The following GRHL3 variants were observed in gnomAD, a reference collection of about 807,000 sequenced individuals.
GRHL3 encodes the protein grainyhead like transcription factor 3, also known as grainyhead-like protein 3 homolog.
A neutral mutation model predicts 70.3 loss-of-function variants in GRHL3; 20 were observed. That is an observed-to-expected ratio of 0.28 (90% CI 0.20 to 0.41). The LOEUF is 0.41. Ranked by LOEUF, GRHL3 falls within the 10% of genes least tolerant of loss-of-function variation. GRHL3 has a pLI of 1.00. For missense variants in GRHL3, 637 were observed against 762.3 expected (o/e 0.84, Z 1.94); for synonymous variants, 299 against 299.9 (o/e 1.00, Z 0.03).
At position 24,346,628 on chromosome 1, in the gene GRHL3, C is replaced by T. The variant is rs760661018; in HGVS notation, c.1530C>T (p.Gly510=). 1.9e-5 allele frequency: 30 copies of T among 1,611,922 alleles called. No homozygotes were observed. Among genetic ancestry groups the T allele is most frequent in the African/African-American group, 1.3e-4 (10 of 74,894 alleles). ...EPLPSKQAKE[G]DLQRVLLYVR... is the part of the protein sequence containing the mutation. Reference sequence around the variant, plus strand: ...TGCCCTCCAAGCAGGCCAAGGAAGGCGACCTTCAGAGAGGTGACCTCCCGC... The same window carrying T: ...TGCCCTCCAAGCAGGCCAAGGAAGGTGACCTTCAGAGAGGTGACCTCCCGC... The change falls in exon 13 of 16, where the codon GGC becomes GGT. Residue 510 remains glycine, a synonymous_variant. Transcript: ENST00000361548.
In GRHL3 at chr1:24,326,155, G is replaced by C. The variant is rs146589286; in HGVS notation, c.18-5271G>C. On this transcript the variant is annotated intron_variant, in intron 1 of 15. Transcript: ENST00000361548. ...AAATGTGAGGGATTATCAAATCTTG[G>C]ATTTCCTCCTTAGTGGGCTGGCTTT... Among the ~76,000 whole-genome samples the C allele has an allele frequency of 5.9e-3, 902 of 152,306 alleles. 3 individuals carry two copies. Among genetic ancestry groups the C allele is most frequent in the Non-Finnish European group, 9.8e-3 (667 of 68,022 alleles).
chr1:24,336,428 A>G (rs1639813766), intron 3 of GRHL3, 54 bp from the exon 4 acceptor site: 1 of 1,238,340 alleles, frequency 8.1e-7, no homozygotes, highest in East Asian at 2.3e-5. Flanking sequence ...CTAGCCAAAG[A>G]CCCCCCTTTA....
intron 1 of GRHL3, among the ~76,000 whole-genome samples, 173 bp from the exon 2 acceptor site, chr1:24,331,253 G>C (rs1257674353): frequency 6.6e-6 from 1 of 152,198 alleles, no homozygotes; most frequent in Non-Finnish European, 1.5e-5. Context: ...AATCGATCCA[G>C]CTCCAGAGTT....
In GRHL3 at chr1:24,342,140, G is replaced by C; in HGVS notation, c.1073G>C (p.Ser358Thr). The C allele has an allele frequency of 6.2e-7, 1 of 1,605,148 alleles. No individual in the cohort carries two copies. The highest frequency in any genetic ancestry group is 8.5e-7 in the Non-Finnish European group (1 of 1,175,312). ...GTGTTCATCGGCGTAAACTGTCTGAGCACAGACTTTTCCTCACAAAAGGGG... is the reference window on the plus strand; with the variant it reads ...GTGTTCATCGGCGTAAACTGTCTGACCACAGACTTTTCCTCACAAAAGGGG... ...AKVFIGVNCLSTDFSSQKGVK... is the reference protein window; with the variant it reads ...AKVFIGVNCLTTDFSSQKGVK... Residue 358 changes from serine to threonine, a missense_variant, in exon 9 of 16, where the codon AGC becomes ACC. This residue lies in a region of GRHL3 where 387 missense variants were observed against 513.8 expected (regional missense o/e 0.75). Transcript: ENST00000361548. This position sits in a 1 kb window ranked among gnomAD's most constrained non-coding sequence, Gnocchi z 4.8.
At chr1:24,357,576 G>C (rs763502393), downstream of GRHL3, 3 of 157,058 alleles carry the variant, frequency 1.9e-5, no homozygotes, top group Non-Finnish European at 4.3e-5. Flanking sequence ...TCTCTGGAGA[G>C]GCCACAGTTG....
rs778750784 is a variant in GRHL3, at chr1:24,342,861, T to G, written c.1286-31T>G. 3.7e-6 allele frequency: 6 copies of G among 1,614,144 alleles called. No individual in the cohort carries two copies. Among genetic ancestry groups the G allele is most frequent in the South Asian group, 1.1e-5 (1 of 91,080 alleles). On this transcript the variant is annotated intron_variant, in intron 10 of 15. Transcript: ENST00000361548. This position sits in a 1 kb window ranked among gnomAD's most constrained non-coding sequence, Gnocchi z 4.8. ...TGGGAGGGACTTGAGTGGAGGGACC[T>G]CGGGGCACATTGGCTTCCTTCTCCC...
At position 24,342,723 on chromosome 1, in the gene GRHL3, G is replaced by A; in HGVS notation, c.1236G>A (p.Glu412=). Residue 412 remains glutamate, a synonymous_variant, in exon 10 of 16, where the codon GAG becomes GAA. Transcript: ENST00000361548. The surrounding 1 kb of genome is among the most constrained non-coding windows in gnomAD (Gnocchi z 4.8). Reference sequence around the variant, plus strand: ...CTGAGAGGAAGATGCGCGATGACGAGCGGAAGCAGTTCCGGAGGAAGGTCA... The same window carrying A: ...CTGAGAGGAAGATGCGCGATGACGAACGGAAGCAGTTCCGGAGGAAGGTCA... The part of the protein sequence containing the change: ...KGAERKMRDD[E]RKQFRRKVKC... 2.5e-6 allele frequency: 4 copies of A among 1,614,226 alleles called. No homozygotes were observed. Among genetic ancestry groups the A allele is most frequent in the Non-Finnish European group, 3.4e-6 (4 of 1,180,036 alleles).
intron 7 of GRHL3, 127 bp downstream of exon 7, chr1:24,338,230 C>T (rs951694687): frequency 2.1e-5 from 13 of 613,948 alleles, no homozygotes; most frequent in African/African-American, 1.1e-4. Context: ...GGTCAAACAC[C>T]GTGGGGTTTG....
rs1029827736 is a variant in GRHL3 at position 24,355,272 on chromosome 1, A to C, written c.*784A>C. ...ATTCAGTGATGCATTTTGTATACTC[A>C]CGTGGTATTTAGTAATAAAAATCTA... is the stretch of plus-strand genomic sequence containing the variant. On this transcript the variant is annotated 3_prime_UTR_variant, in exon 16 of 16. Transcript: ENST00000361548. 2 of 152,528 alleles carry C rather than the reference A, an allele frequency of 1.3e-5. No individual in the cohort carries two copies. The highest frequency in any genetic ancestry group is 4.8e-5 in the African/African-American group (2 of 41,390). The allele number at this position is 152,528 out of a possible 1,614,324, so 9.4% of individuals were successfully genotyped here.
chr1:24,354,514 C>T lies in GRHL3; in HGVS notation c.*26C>T, dbSNP rs761532651. Reference sequence around the variant, plus strand: ...GGCCTCTCGAGCATCCAAACCCTCACGACCTGCAAGGGGCCAGCAGGGACG... The same window carrying T: ...GGCCTCTCGAGCATCCAAACCCTCATGACCTGCAAGGGGCCAGCAGGGACG... On this transcript the variant is annotated 3_prime_UTR_variant, in exon 16 of 16. Transcript: ENST00000361548. The T allele has an allele frequency of 2.2e-5, 32 of 1,464,986 alleles. No homozygotes were observed. The highest frequency in any genetic ancestry group is 2.8e-5 in the African/African-American group (2 of 72,234). 90.7% of individuals were successfully genotyped at this position (1,464,986 alleles called of 1,614,324 possible). A position where few individuals can be genotyped will look rare whatever the true frequency, so the allele number is the denominator to read the frequency against.
intron 15 of GRHL3, chr1:24,364,119 C>T: frequency 6.8e-7 from 1 of 1,465,608 alleles, no homozygotes. Context: ...GCTGTTCCTT[C>T]TGTGAGAAAC....
At chr1:24,361,622 G>T (rs1402314431) in intron 15 of GRHL3, among the ~76,000 whole-genome samples, 1 of 152,066 alleles carries the variant, frequency 6.6e-6, no homozygotes, top group Non-Finnish European at 1.5e-5. Context: ...ATATCATCCT[G>T]GGGAGGCAGG....
chr1:24,358,037 G>C (rs1557711293), downstream of GRHL3: 1 of 360,030 alleles, frequency 2.8e-6, no homozygotes, highest in Non-Finnish European at 5.5e-6. Context: ...GGTAGCTTTC[G>C]CCCAGTAGAC....
intron 3 of GRHL3, 44 bp from the exon 4 acceptor site, chr1:24,336,438 A>G (rs770337305): frequency 7.4e-7 from 1 of 1,354,856 alleles, no homozygotes; most frequent in Non-Finnish European, 1.0e-6. Flanking sequence ...ACCCCCCTTT[A>G]CCCCCAGAGA....
chr1:24,326,602 G>A (rs1423184902), intron 1 of GRHL3, among the ~76,000 whole-genome samples: 1 of 152,136 alleles, frequency 6.6e-6, no homozygotes, highest in Non-Finnish European at 1.5e-5. Flanking sequence ...GGATGACCTC[G>A]TTATCTTATT....
In GRHL3 at chr1:24,331,508, A is replaced by G. The variant is rs138155321; in HGVS notation, c.100A>G (p.Thr34Ala). 20 of 1,614,062 alleles carry G rather than the reference A, an allele frequency of 1.2e-5. No individual in the cohort carries two copies. In the African/African-American group the frequency reaches 1.9e-4, roughly 15 times the overall value. The change falls in exon 2 of 16, where the codon ACG becomes GCG. Residue 34 changes from threonine (T) to alanine (A), a missense_variant. Around this residue, in one of 2 missense-constraint regions of GRHL3, gnomAD observed 250 missense variants for 248.6 expected, o/e 1.01. Transcript: ENST00000361548. The part of the protein sequence containing the change: ...SYTSEDEAWK[T>A]YLENPLTAAT... ...CACTAGTGAGGATGAGGCCTGGAAG[A>G]CGTACCTAGAAAACCCGTTGACAGC...
At chr1:24,360,834 T>TAA in intron 15 of GRHL3, 2 of 1,592,110 alleles carry the variant, frequency 1.3e-6, no homozygotes, top group Non-Finnish European at 1.7e-6. Context: ...TACAATCATT[T>TAA]AAAACAATCC....
At chr1:24,345,305 G>A (rs1640234048) in intron 12 of GRHL3, among the ~76,000 whole-genome samples, 1 of 125,496 alleles carries the variant, frequency 8.0e-6, no homozygotes, top group East Asian at 2.2e-4. Context: ...CGCCACACCT[G>A]TACCCCCTCT....
intron 8 of GRHL3, among the ~76,000 whole-genome samples, chr1:24,341,787 T>TC (rs1192565461): frequency 6.6e-6 from 1 of 151,758 alleles, no homozygotes; most frequent in Admixed American, 6.6e-5. Context: ...ACTCTTGACA[T>TC]CCCCCCCAGT....
Sources: gnomAD v4.1 joint callset for allele counts (sites outside exome capture counted in the v4.1 genomes callset) on GRCh38, gnomAD v4.1.1 for gene constraint, gnomAD v4.1.1 regional missense constraint, Gnocchi (gnomAD v3.1) non-coding constraint, MANE v1.5 for transcripts, NCBI Gene and HGNC (gene_info 2026-07-23, HGNC 2026-07-21) for gene names.